Variants in KIF13A observed in about 807,000 individuals in gnomAD.
The protein encoded by KIF13A is kinesin family member 13A.
In KIF13A, 79 loss-of-function variants were observed where a neutral mutation model predicts 212.2. The observed-to-expected ratio is 0.37, with a 90% confidence interval of 0.31 to 0.45. KIF13A has a LOEUF of 0.45. Ranked by LOEUF, KIF13A falls within the 20% of genes least tolerant of loss-of-function variation. The probability of loss-of-function intolerance (pLI) is 1.00; values close to 1 mark genes in which losing one functional copy is unlikely to be tolerated. For missense variants in KIF13A, 1,901 were observed against 2,209.0 expected, an observed-to-expected ratio of 0.86 and a Z score of 2.79; for synonymous variants, 789 against 808.6, an observed-to-expected ratio of 0.98 and a Z score of 0.41.
rs919363629 is a variant in KIF13A, at chr6:17,799,561, A to T, written c.2617-122T>A. On this transcript the variant is annotated intron_variant, in intron 21 of 38. Transcript: ENST00000259711. This position sits in a 1 kb window ranked among gnomAD's most constrained non-coding sequence, Gnocchi z 4.4. ...GGTCATCCATTTGACATGTGAAAATATTATATCTGACACCGTGACACTAAG... is the reference window on the plus strand; with the variant it reads ...GGTCATCCATTTGACATGTGAAAATTTTATATCTGACACCGTGACACTAAG... The T allele has an allele frequency of 1.4e-5, 11 of 767,420 alleles. No individual in the cohort carries two copies. The African/African-American group carries it at 1.6e-4, about 11-fold the overall frequency. 47.5% of individuals were successfully genotyped at this position (767,420 alleles called of 1,614,324 possible).
intron 2 of KIF13A, among the ~76,000 whole-genome samples, chr6:17,972,749 C>T (rs1779918390): frequency 7.0e-6 from 1 of 143,536 alleles, no homozygotes; most frequent in Admixed American, 7.2e-5. Context: ...CTCCCCAAGA[C>T]AATACAAAGG....
rs10456212 is a variant in KIF13A at position 17,951,438 on chromosome 6, A to T, written c.146+35616T>A. 0.024 allele frequency: 2,534 copies of T among 103,434 alleles called. 13 individuals are homozygous for T. The highest frequency in any genetic ancestry group is 0.075 in the African/African-American group (1,254 of 16,700). 6.4% of individuals were successfully genotyped at this position (103,434 alleles called of 1,614,324 possible). On this transcript the variant is annotated intron_variant, in intron 2 of 38. Coordinates refer to ENST00000259711, the MANE Select transcript of KIF13A (RefSeq NM_022113.6). This position sits in a 1 kb window ranked among gnomAD's most constrained non-coding sequence, Gnocchi z 4.9. ...GAGCCACTGTGACCAGCCTCAATTT[A>T]AAAAAAAAAAAAAAACAGCTTTAAG... is the stretch of plus-strand genomic sequence containing the variant.
Position 17,763,810 on chromosome 6 carries a change from C to T in KIF13A, c.*300G>A, listed in dbSNP as rs1581836440. The T allele has an allele frequency of 8.5e-6, 10 of 1,180,686 alleles. No individual in the cohort carries two copies. In the East Asian group the frequency reaches 1.3e-4, roughly 16 times the overall value. 73.1% of individuals were successfully genotyped at this position (1,180,686 alleles called of 1,614,324 possible). The stretch of plus-strand genomic sequence containing the variant: ...TGAAATATGGTAGATGCTACCAGAA[C>T]ACTTTGGGAAAACTGGTAACTAAAC... On this transcript the variant is annotated 3_prime_UTR_variant, in exon 39 of 39. Transcript: ENST00000259711.
intron 2 of KIF13A, chr6:17,950,811 C>T: frequency 1.0e-6 from 1 of 978,482 alleles, no homozygotes; most frequent in Non-Finnish European, 1.2e-6. Flanking sequence ...TTAAATCTTT[C>T]TTAATTTTGC....
At chr6:17,810,326 T>C (rs2150346117) in intron 17 of KIF13A, among the ~76,000 whole-genome samples, 1 of 152,342 alleles carries the variant, frequency 6.6e-6, no homozygotes, top group South Asian at 2.1e-4. Flanking sequence ...CCTCAGGCCG[T>C]TCCTCGGCTC....
intron 2 of KIF13A, chr6:17,936,409 T>C: frequency 5.4e-6 from 1 of 185,568 alleles, no homozygotes; most frequent in South Asian, 7.9e-5. Context: ...ATTACAGGGA[T>C]GAGCCATTGC....
At position 17,982,519 on chromosome 6, in the gene KIF13A, C is replaced by T. The variant is rs1316785378; in HGVS notation, c.146+4535G>A. 4 of 698,560 alleles carry T rather than the reference C, an allele frequency of 5.7e-6. No individual in the cohort carries two copies. Among genetic ancestry groups the T allele is most frequent in the South Asian group, 6.4e-5 (1 of 15,508 alleles). The allele number at this position is 698,560 out of a possible 1,614,324, so 43.3% of individuals were successfully genotyped here. On this transcript the variant is annotated intron_variant, in intron 2 of 38. Coordinates refer to ENST00000259711, the MANE Select transcript of KIF13A (RefSeq NM_022113.6). This position sits in a 1 kb window ranked among gnomAD's most constrained non-coding sequence, Gnocchi z 5.1. ...TTTCTTCAACTGACCCTCCCTCACACGATTTGCAAGGTGTATTGTTCATCC... is the reference window on the plus strand; with the variant it reads ...TTTCTTCAACTGACCCTCCCTCACATGATTTGCAAGGTGTATTGTTCATCC...
Position 17,855,288 on chromosome 6 carries a change from T to G in KIF13A, c.494+149A>C. 8.0e-6 allele frequency: 5 copies of G among 621,982 alleles called. No individual in the cohort carries two copies. The highest frequency in any genetic ancestry group is 1.3e-5 in the Non-Finnish European group (5 of 370,750). 38.5% of individuals were successfully genotyped at this position (621,982 alleles called of 1,614,324 possible). On this transcript the variant is annotated intron_variant, in intron 6 of 38. Coordinates refer to ENST00000259711, the MANE Select transcript of KIF13A (RefSeq NM_022113.6). The surrounding 1 kb of genome is among the most constrained non-coding windows in gnomAD (Gnocchi z 4.1). ...TAAACACTGGGTATACCAAAAGGCT[T>G]TGAGAAGCTGATGATTTTTCTGTAA...
intron 12 of KIF13A, among the ~76,000 whole-genome samples, chr6:17,831,833 C>T (rs1209432198): frequency 6.6e-6 from 1 of 151,154 alleles, no homozygotes; most frequent in East Asian, 1.9e-4. Context: ...CTCATTCATT[C>T]ATTCATTCAA....
In KIF13A at chr6:17,811,830, C is replaced by T. The variant is rs759255326; in HGVS notation, c.2001-2900G>A. ...CCTTCCTTCCTTCCTTCTCTCCCTC[C>T]CTTTTTCTTTCTTTCCTTCTCTCTC... On this transcript the variant is annotated intron_variant, in intron 17 of 38. Transcript: ENST00000259711. This position sits in a 1 kb window ranked among gnomAD's most constrained non-coding sequence, Gnocchi z 6.0. Among the ~76,000 whole-genome samples the T allele has an allele frequency of 3.3e-5, 5 of 151,256 alleles. No individual in the cohort carries two copies. Among genetic ancestry groups the T allele is most frequent in the Non-Finnish European group, 5.9e-5 (4 of 67,858 alleles).
At chr6:17,970,933 G>A (rs558530663) in intron 2 of KIF13A, among the ~76,000 whole-genome samples, 1 of 152,276 alleles carries the variant, frequency 6.6e-6, no homozygotes, top group East Asian at 1.9e-4. Flanking sequence ...ATTTCCAAGG[G>A]AAAAGCTGCA....
rs1387346220 is a variant in KIF13A at position 17,918,422 on chromosome 6, A to G, written c.147-20242T>C. Among the ~76,000 whole-genome samples the G allele has an allele frequency of 3.3e-5, 5 of 152,196 alleles. No homozygotes were observed. Among genetic ancestry groups the G allele is most frequent in the Non-Finnish European group, 7.3e-5 (5 of 68,034 alleles). On this transcript the variant is annotated intron_variant, in intron 2 of 38. Transcript: ENST00000259711. The surrounding 1 kb of genome is among the most constrained non-coding windows in gnomAD (Gnocchi z 4.8). ...AAATAACAGTTACATTTATTTTACT[A>G]CTACAGAAAAATGATTATTTTATGT...
At chr6:17,908,445 T>C (rs1465775797) in intron 2 of KIF13A, among the ~76,000 whole-genome samples, 1 of 151,954 alleles carries the variant, frequency 6.6e-6, no homozygotes, top group Non-Finnish European at 1.5e-5. Context: ...ACTAAAATTG[T>C]TTTTAAAAAT....
At chr6:17,976,188 A>C (rs1450884849) in intron 2 of KIF13A, among the ~76,000 whole-genome samples, 1 of 152,132 alleles carries the variant, frequency 6.6e-6, no homozygotes, top group African/African-American at 2.4e-5. Flanking sequence ...TCACGCCGGC[A>C]CTCCTCAGCC....
rs369266587 is a variant in KIF13A, at chr6:17,789,384, T to C, written c.3261+488A>G. Among the ~76,000 whole-genome samples, 39 of 152,314 alleles carry C rather than the reference T, an allele frequency of 2.6e-4. No individual in the cohort carries two copies. In the East Asian group the frequency reaches 7.3e-3, roughly 29 times the overall value. ...ATTTTCCTATTCAGCAAAAGTCTTG[T>C]AAAGTAAAATGGCATATTACAACAA... On this transcript the variant is annotated intron_variant, in intron 26 of 38. Coordinates refer to ENST00000259711, the MANE Select transcript of KIF13A (RefSeq NM_022113.6). The surrounding 1 kb of genome is among the most constrained non-coding windows in gnomAD (Gnocchi z 4.8).
chr6:17,893,901 G>A (rs556780237), intron 3 of KIF13A, among the ~76,000 whole-genome samples: 40 of 124,918 alleles, frequency 3.2e-4, no homozygotes, highest in Admixed American at 8.4e-4. Context: ...GTGCAGTGGC[G>A]CAATCTCGGC....
rs1562011160 is a variant in KIF13A, at chr6:17,816,991, C to CT, written c.2000+28dup. On this transcript the variant is annotated intron_variant, in intron 17 of 38. Transcript: ENST00000259711. The surrounding 1 kb of genome is among the most constrained non-coding windows in gnomAD (Gnocchi z 4.3). Reference sequence around the variant, plus strand: ...AAGACCCACGGCCTTGGGGCCTTGACTCTGGGCTGCCCCCGCTGCAGTTCT... The same window carrying CT: ...AAGACCCACGGCCTTGGGGCCTTGACTTCTGGGCTGCCCCCGCTGCAGTTCT... The CT allele has an allele frequency of 6.3e-7, 1 of 1,580,070 alleles. No individual in the cohort carries two copies. The highest frequency in any genetic ancestry group is 2.3e-5 in the East Asian group (1 of 43,876).
intron 2 of KIF13A, among the ~76,000 whole-genome samples, chr6:17,936,595 C>T (rs1420835186): frequency 1.3e-5 from 2 of 152,194 alleles, no homozygotes; most frequent in African/African-American, 4.8e-5. Flanking sequence ...ATGTGCCAGG[C>T]TGGTGCCAAG....
In KIF13A at chr6:17,804,528, C is replaced by G; in HGVS notation, c.2305-18G>C. 6.4e-7 allele frequency: 1 copy of G among 1,562,866 alleles called. No individual in the cohort carries two copies. Among genetic ancestry groups the G allele is most frequent in the Non-Finnish European group, 8.7e-7 (1 of 1,151,972 alleles). On this transcript the variant is annotated intron_variant, in intron 19 of 38. Transcript: ENST00000259711. ...CTCTTTGCCTGAGAAGTAGGAGGGG[C>G]CAGTGAGTGGACGAATAAGAAACAT...
Sources: allele counts gnomAD v4.1 joint callset (sites outside exome capture counted in the v4.1 genomes callset), GRCh38; gene constraint gnomAD v4.1.1; non-coding constraint Gnocchi (gnomAD v3.1); transcripts MANE v1.5; gene names NCBI Gene and HGNC (gene_info 2026-07-23, HGNC 2026-07-21).